The following TAF1B variants were observed in gnomAD, a reference collection of about 807,000 sequenced individuals.
The protein encoded by TAF1B is TATA box-binding protein-associated factor RNA polymerase I subunit B.
In TAF1B, 61 loss-of-function variants were observed where a neutral mutation model predicts 83.9. The ratio of observed to expected loss-of-function variants is 0.73; its 90% CI spans 0.59 to 0.90. The LOEUF (loss-of-function observed/expected upper bound fraction) is 0.90, where lower values mean the gene tolerates loss of function less well. Among genes scored for constraint, TAF1B ranks in the 40% least tolerant of loss-of-function variants. The probability of loss-of-function intolerance (pLI) is 0.00; values close to 1 mark genes in which losing one functional copy is unlikely to be tolerated. For missense variants in TAF1B, 625 were observed against 677.0 expected, an observed-to-expected ratio of 0.92 and a Z score of 0.85; for synonymous variants, 221 against 224.6, an observed-to-expected ratio of 0.98 and a Z score of 0.14.
intron 8 of TAF1B, among the ~76,000 whole-genome samples, chr2:9,902,209 C>T (rs1665198744): frequency 6.7e-6 from 1 of 149,158 alleles, no homozygotes; most frequent in South Asian, 2.1e-4. Flanking sequence ...ATTTCTCCCA[C>T]AAAGGTGATA....
At chr2:9,926,427 C>T (rs1666040939) in intron 14 of TAF1B, among the ~76,000 whole-genome samples, 1 of 152,126 alleles carries the variant, frequency 6.6e-6, no homozygotes, top group Non-Finnish European at 1.5e-5. Context: ...TAATCCTGGT[C>T]ATGTGTCCCA....
At chr2:9,846,367 G>A (rs547050730) in intron 2 of TAF1B, among the ~76,000 whole-genome samples, 35 of 152,322 alleles carry the variant, frequency 2.3e-4, no homozygotes, top group African/African-American at 8.4e-4. Flanking sequence ...GGTGTAGAGA[G>A]TCTGCTGCTG....
intron 12 of TAF1B, among the ~76,000 whole-genome samples, chr2:9,916,837 C>CTTTGTTTTTTTTT (rs1665694007): frequency 1.0e-5 from 1 of 95,720 alleles, no homozygotes; most frequent in Admixed American, 1.3e-4. Context: ...CCTTTCTGTT[C>CTTTGTTTTTTTTT]TTTTTTTTTT....
chr2:9,845,705 G>A (rs1427626587), intron 2 of TAF1B: 4 of 257,938 alleles, frequency 1.6e-5, no homozygotes, highest in South Asian at 4.4e-5. Flanking sequence ...GGACTGGGCC[G>A]GGCGCAGTGG....
At chr2:9,875,640 A>G (rs1318319529) in intron 6 of TAF1B, among the ~76,000 whole-genome samples, 1 of 152,146 alleles carries the variant, frequency 6.6e-6, no homozygotes, top group Non-Finnish European at 1.5e-5. Context: ...ATTCACTCTC[A>G]TGAGAACAGC....
chr2:9,870,326 CA>C (rs895783622), intron 6 of TAF1B, among the ~76,000 whole-genome samples: 4 of 151,862 alleles, frequency 2.6e-5, no homozygotes, highest in African/African-American at 9.7e-5. Context: ...CTCCATCTCT[CA>C]AAAAATAAAA....
chr2:9,913,645 G>C (rs1411952870), intron 12 of TAF1B: 3 of 154,760 alleles, frequency 1.9e-5, no homozygotes, highest in African/African-American at 7.2e-5. Flanking sequence ...ATGTTACCTT[G>C]CAACATATGT....
chr2:9,862,171 T>C (rs186986571), intron 5 of TAF1B, among the ~76,000 whole-genome samples: 3 of 151,612 alleles, frequency 2.0e-5, no homozygotes, highest in Admixed American at 2.0e-4. Flanking sequence ...TTCAAACCAA[T>C]GGCAAAGAAG....
chr2:9,874,896 G>A (rs567133204), intron 6 of TAF1B, among the ~76,000 whole-genome samples: 29 of 151,658 alleles, frequency 1.9e-4, no homozygotes, highest in Non-Finnish European at 3.8e-4. Flanking sequence ...TTGTAATTGT[G>A]TATCCTTTCC....
chr2:9,849,231 G>A, intron 2 of TAF1B, 142 bp from the exon 3 acceptor site: 1 of 593,244 alleles, frequency 1.7e-6, no homozygotes, highest in African/African-American at 1.9e-5. Flanking sequence ...AATGTTAAAT[G>A]TTTATAATTT....
At chr2:9,878,436 G>T (rs1388570039) in intron 7 of TAF1B, among the ~76,000 whole-genome samples, 1 of 151,856 alleles carries the variant, frequency 6.6e-6, no homozygotes, top group Non-Finnish European at 1.5e-5. Flanking sequence ...GCCAAACTTT[G>T]AAAAAATATG....
At chr2:9,924,397 C>T (rs1242149105) in intron 14 of TAF1B, among the ~76,000 whole-genome samples, 1 of 152,186 alleles carries the variant, frequency 6.6e-6, no homozygotes, top group African/African-American at 2.4e-5. Flanking sequence ...TGCTGATAGA[C>T]ATCTTGACGG....
In TAF1B at chr2:9,868,408, G is replaced by T. The variant is rs1315480671; in HGVS notation, c.532G>T (p.Val178Phe). ...CATCCACACTCGAAAACCTTTCCCC[G>T]TCAGCAAAGCATCACAATCAGGTAA... ...SDIHTRKPFP[V>F]SKASQSETSV... The change falls in exon 6 of 15, where the codon GTC (valine) becomes TTC (phenylalanine). Residue 178 changes from valine to phenylalanine, a missense_variant. Val to Phe is a conservative substitution (Grantham distance 50, BLOSUM62 -1). Transcript: ENST00000263663. The T allele has an allele frequency of 6.2e-7, 1 of 1,612,526 alleles. No individual in the cohort carries two copies. Among genetic ancestry groups the T allele is most frequent in the South Asian group, 1.1e-5 (1 of 90,848 alleles).
At chr2:9,854,713 A>T (rs150826674) in intron 5 of TAF1B, among the ~76,000 whole-genome samples, 1 of 152,356 alleles carries the variant, frequency 6.6e-6, no homozygotes, top group East Asian at 1.9e-4. Context: ...AGTTTCTATC[A>T]CTGTACTATT....
At chr2:9,854,574 G>A (rs903631157) in intron 5 of TAF1B, among the ~76,000 whole-genome samples, 153 bp downstream of exon 5, 2 of 152,182 alleles carry the variant, frequency 1.3e-5, no homozygotes, top group Admixed American at 1.3e-4. Flanking sequence ...AGAGGACGGG[G>A]TCACTGATTT....
intron 2 of TAF1B, chr2:9,846,016 A>G (rs1030608521): frequency 6.4e-6 from 3 of 467,584 alleles, no homozygotes; most frequent in Non-Finnish European, 1.3e-5. Flanking sequence ...ACTGTTGGGA[A>G]TATTGGAATT....
At chr2:9,888,490 G>A (rs1033346474) in intron 8 of TAF1B, among the ~76,000 whole-genome samples, 1 of 151,788 alleles carries the variant, frequency 6.6e-6, no homozygotes. Flanking sequence ...GTGAATTATT[G>A]TTGCTTTTCT....
At position 9,904,959 on chromosome 2, in the gene TAF1B, A is replaced by G. The variant is rs1353809637; in HGVS notation, c.908A>G (p.His303Arg). Residue 303 changes from histidine to arginine, a missense_variant, in exon 9 of 15, where the codon CAT (histidine) becomes CGT (arginine). Physicochemically the swap from His to Arg is conservative, Grantham distance 29. Coordinates refer to ENST00000263663, the MANE Select transcript of TAF1B (RefSeq NM_005680.3). ...FPDITEDCYL[H>R]PNILCMKYLM... ...GACATAACTGAAGACTGCTATCTTC[A>G]TCCCAACATACTGTGTATGAAATAC... The G allele has an allele frequency of 5.0e-6, 8 of 1,612,656 alleles. No homozygotes were observed. Among genetic ancestry groups the G allele is most frequent in the Non-Finnish European group, 6.8e-6 (8 of 1,178,828 alleles).
chr2:9,893,899 G>A (rs1664943374), intron 8 of TAF1B, among the ~76,000 whole-genome samples: 1 of 152,170 alleles, frequency 6.6e-6, no homozygotes, highest in South Asian at 2.1e-4. Flanking sequence ...TTGGGTAGTG[G>A]ATTCATAGGC....
Sources: allele counts gnomAD v4.1 joint callset (sites outside exome capture counted in the v4.1 genomes callset), GRCh38; gene constraint gnomAD v4.1.1; transcripts MANE v1.5; gene names NCBI Gene and HGNC (gene_info 2026-07-23, HGNC 2026-07-21).